The following TCF7L2 variants were observed in gnomAD, a reference collection of about 807,000 sequenced individuals.
The protein encoded by TCF7L2 is transcription factor 7 like 2.
Under a neutral mutation model 77.9 loss-of-function variants are expected in TCF7L2, and 23 were observed. The observed-to-expected ratio is 0.30, with a 90% CI of 0.21 to 0.42. TCF7L2 has a LOEUF of 0.42. TCF7L2 is among the 10% of genes least tolerant of loss of function. The pLI, the probability that TCF7L2 is intolerant of heterozygous loss-of-function variation, is 1.00. For missense variants in TCF7L2, 654 were observed against 793.1 expected (o/e 0.82, Z 2.11); for synonymous variants, 413 against 340.2 (o/e 1.21, Z -2.36).
chr10:113,074,542 C>T (rs146533128), intron 5 of TCF7L2, among the ~76,000 whole-genome samples: 3 of 152,112 alleles, frequency 2.0e-5, no homozygotes, highest in East Asian at 1.9e-4. Context: ...TCGGACTGTG[C>T]GGGACCTTGG....
At chr10:113,126,487 A>T in intron 5 of TCF7L2, 1 of 932,602 alleles carries the variant, frequency 1.1e-6, no homozygotes, top group Non-Finnish European at 1.3e-6. Flanking sequence ...AAGTCGGCAA[A>T]CAAAATATCA....
intron 13 of TCF7L2, among the ~76,000 whole-genome samples, chr10:113,162,027 G>A (rs2073244172): frequency 6.6e-6 from 1 of 152,230 alleles, no homozygotes; most frequent in Non-Finnish European, 1.5e-5. Context: ...ACAGAAAGGA[G>A]TTTTGTGACA....
chr10:113,085,042 A>G (rs1488897409), intron 5 of TCF7L2, among the ~76,000 whole-genome samples: 2 of 151,798 alleles, frequency 1.3e-5, no homozygotes. Flanking sequence ...AACAGCCAAC[A>G]GGTGTTGGCC....
intron 7 of TCF7L2, among the ~76,000 whole-genome samples, chr10:113,144,771 A>G (rs1291436787): frequency 6.6e-6 from 1 of 152,172 alleles, no homozygotes; most frequent in Non-Finnish European, 1.5e-5. Flanking sequence ...AGATTATTTG[A>G]CTAACTTTTG....
At chr10:113,104,738 A>G (rs1412244944) in intron 5 of TCF7L2, among the ~76,000 whole-genome samples, 1 of 152,158 alleles carries the variant, frequency 6.6e-6, no homozygotes, top group East Asian at 1.9e-4. Context: ...ATCTGTACCC[A>G]CTGCTGTAAC....
intron 12 of TCF7L2, among the ~76,000 whole-genome samples, chr10:113,159,321 A>G (rs1420202055): frequency 6.6e-6 from 1 of 152,066 alleles, no homozygotes; most frequent in African/African-American, 2.4e-5. Context: ...TAATTAATGA[A>G]AATAGATTTA....
intron 5 of TCF7L2, among the ~76,000 whole-genome samples, chr10:113,132,683 C>G (rs2066781462): frequency 6.6e-6 from 1 of 152,250 alleles, no homozygotes; most frequent in African/African-American, 2.4e-5. Context: ...GCTGTACTCT[C>G]TTACCCAATT....
At chr10:112,959,351 A>G (rs1050172510) in intron 3 of TCF7L2, among the ~76,000 whole-genome samples, 16 of 152,296 alleles carry the variant, frequency 1.1e-4, no homozygotes, top group Non-Finnish European at 4.4e-5. Flanking sequence ...GAGTAGGTGG[A>G]TACGTATAGA....
At chr10:113,164,461 G>A (rs58813683) in intron 13 of TCF7L2, among the ~76,000 whole-genome samples, 3,390 of 152,046 alleles carry the variant, frequency 0.022, 127 homozygotes, top group African/African-American at 0.078. Context: ...TTCGGTGACC[G>A]GCTTGTGCTG....
Position 112,950,945 on chromosome 10 carries a change from G to C in TCF7L2, c.189G>C (p.Glu63Asp), listed in dbSNP as rs2134179435. ...ATCAAAACAGCTCCTCCGATTCCGA[G>C]GTAGGAAAAGCCCCTCGGGCTGGTG... Residue 63 changes from glutamate to aspartate, a missense_variant and splice_region_variant, in exon 1 of 14, where the codon GAG becomes GAC. Physicochemically the swap from Glu to Asp is conservative, Grantham distance 45. Around this residue, in one of 6 missense-constraint regions of TCF7L2, gnomAD observed 132 missense variants for 123.7 expected, o/e 1.07. Coordinates refer to ENST00000627217, the MANE Select transcript of TCF7L2 (RefSeq NM_001146274.2). 1 of 1,608,758 alleles carries C rather than the reference G, an allele frequency of 6.2e-7. No individual in the cohort carries two copies. The highest frequency in any genetic ancestry group is 8.5e-7 in the Non-Finnish European group (1 of 1,178,310).
At chr10:113,034,861 A>C (rs1590796821) in intron 4 of TCF7L2, among the ~76,000 whole-genome samples, 1 of 152,168 alleles carries the variant, frequency 6.6e-6, no homozygotes, top group African/African-American at 2.4e-5. Flanking sequence ...GCGTCACTGC[A>C]CTCCAGCCTA....
At chr10:113,042,648 A>G (rs1394929213) in intron 5 of TCF7L2, among the ~76,000 whole-genome samples, 1 of 152,024 alleles carries the variant, frequency 6.6e-6, no homozygotes, top group African/African-American at 2.4e-5. Flanking sequence ...GTTGAGGGAG[A>G]TAGGAAAGTA....
At chr10:112,975,952 G>A (rs1301740334) in intron 4 of TCF7L2, among the ~76,000 whole-genome samples, 1 of 152,216 alleles carries the variant, frequency 6.6e-6, no homozygotes, top group East Asian at 1.9e-4. Flanking sequence ...TTTAAAGCAT[G>A]CATCCTACCA....
At chr10:113,117,502 C>G (rs2064011811) in intron 5 of TCF7L2, among the ~76,000 whole-genome samples, 1 of 148,122 alleles carries the variant, frequency 6.8e-6, no homozygotes, top group Admixed American at 6.9e-5. Flanking sequence ...AATTACAGAA[C>G]AGGATACAAT....
intron 5 of TCF7L2, among the ~76,000 whole-genome samples, chr10:113,083,487 G>T (rs1414243836): frequency 5.3e-5 from 8 of 152,204 alleles, no homozygotes. Context: ...CCTGATGGCA[G>T]TTTCTTTGCC....
chr10:112,963,243 C>G (rs1051046618), intron 3 of TCF7L2, among the ~76,000 whole-genome samples: 2 of 151,908 alleles, frequency 1.3e-5, no homozygotes, highest in Admixed American at 1.3e-4. Flanking sequence ...GGATTACTAC[C>G]CTTGTGTTTA....
At chr10:112,971,951 C>G (rs943242844) in intron 4 of TCF7L2, among the ~76,000 whole-genome samples, 1 of 150,894 alleles carries the variant, frequency 6.6e-6, no homozygotes, top group African/African-American at 2.5e-5. Context: ...AGCGGAGTCT[C>G]GCTCTATTTC....
At chr10:112,966,209 T>TAAAATATATATATATATATA in intron 4 of TCF7L2, among the ~76,000 whole-genome samples, 1 of 131,484 alleles carries the variant, frequency 7.6e-6, no homozygotes, top group Non-Finnish European at 1.7e-5. Flanking sequence ...TATATATATA[T>TAAAATATATATATATATATA]ATTTTCTTTT....
At chr10:112,960,752 A>G (rs1340839565) in intron 3 of TCF7L2, among the ~76,000 whole-genome samples, 2 of 150,538 alleles carry the variant, frequency 1.3e-5, no homozygotes, top group Non-Finnish European at 2.9e-5. Context: ...CAGTGGTGCG[A>G]TCTTGGCTCA....
Sources: allele counts gnomAD v4.1 joint callset (sites outside exome capture counted in the v4.1 genomes callset), GRCh38; gene constraint gnomAD v4.1.1; regional missense constraint gnomAD v4.1.1; transcripts MANE v1.5; gene names NCBI Gene and HGNC (gene_info 2026-07-23, HGNC 2026-07-21).